Variants in MAGI3 observed in about 807,000 individuals in gnomAD.
MAGI3 encodes the protein membrane-associated guanylate kinase, WW and PDZ domain-containing protein 3.
A neutral mutation model predicts 121.8 loss-of-function variants in MAGI3; 43 were observed. The observed-to-expected ratio is 0.35, with a 90% CI of 0.28 to 0.46. The LOEUF is 0.46. MAGI3 is among the 20% of genes least tolerant of loss of function. MAGI3 has a pLI of 1.00. For synonymous variants in MAGI3, 553 were observed against 639.3 expected (o/e 0.86, Z 2.04); for missense variants, 1,547 against 1,797.3 (o/e 0.86, Z 2.52).
At chr1:113,667,364 T>C (rs1405447802) in intron 16 of MAGI3, among the ~76,000 whole-genome samples, 1 of 152,240 alleles carries the variant, frequency 6.6e-6, no homozygotes, top group South Asian at 2.1e-4. Context: ...CACTTGCTGC[T>C]TCACCTTGCA....
chr1:113,612,220 G>A (rs1427616030), intron 6 of MAGI3, among the ~76,000 whole-genome samples: 1 of 152,144 alleles, frequency 6.6e-6, no homozygotes, highest in East Asian at 1.9e-4. Flanking sequence ...GGAATTACAG[G>A]CGTGAGCCAA....
At chr1:113,491,154 A>G (rs1019128494) in intron 1 of MAGI3, among the ~76,000 whole-genome samples, 2 of 152,218 alleles carry the variant, frequency 1.3e-5, no homozygotes, top group Non-Finnish European at 2.9e-5. Context: ...GTAAATGCAA[A>G]AGAACTGAAA....
At chr1:113,399,899 A>C (rs748577827) in intron 1 of MAGI3, among the ~76,000 whole-genome samples, 1 of 152,140 alleles carries the variant, frequency 6.6e-6, no homozygotes, top group Non-Finnish European at 1.5e-5. Flanking sequence ...TTTGCTTTTA[A>C]AACAATGGTC....
chr1:113,577,476 G>A (rs1026765213), intron 2 of MAGI3, among the ~76,000 whole-genome samples: 1 of 151,774 alleles, frequency 6.6e-6, no homozygotes, highest in African/African-American at 2.4e-5. Flanking sequence ...GAGAAGTGGG[G>A]GTGAGGGGGG....
intron 1 of MAGI3, among the ~76,000 whole-genome samples, chr1:113,489,333 T>C (rs1190024602): frequency 1.3e-5 from 2 of 152,050 alleles, no homozygotes; most frequent in Non-Finnish European, 2.9e-5. Flanking sequence ...AATTCACCTA[T>C]ACCACAGTCA....
chr1:113,550,385 C>T (rs900479727), intron 2 of MAGI3, among the ~76,000 whole-genome samples: 3 of 150,986 alleles, frequency 2.0e-5, no homozygotes, highest in Non-Finnish European at 4.4e-5. Flanking sequence ...CACTGCAGTC[C>T]GGCCTGGGTG....
rs748059297 is a variant in MAGI3, at chr1:113,422,761, GGGGGA to G, written c.316+31415_316+31419del. ...CCCTATTGCCCTCAGTGTGGCGAGTGGGGGAGGCATGTTTCGGGGGGCATGTTTTG... is the reference window on the plus strand; with the variant it reads ...CCCTATTGCCCTCAGTGTGGCGAGTGGGCATGTTTCGGGGGGCATGTTTTG... On this transcript the variant is annotated intron_variant, in intron 1 of 20. Transcript: ENST00000307546. This position sits in a 1 kb window ranked among gnomAD's most constrained non-coding sequence, Gnocchi z 4.3. Among the ~76,000 whole-genome samples the G allele has an allele frequency of 2.6e-5, 4 of 152,224 alleles. No individual in the cohort carries two copies. The highest frequency in any genetic ancestry group is 5.9e-5 in the Non-Finnish European group (4 of 68,030).
At chr1:113,423,665 T>C (rs999954585) in intron 1 of MAGI3, among the ~76,000 whole-genome samples, 5 of 152,136 alleles carry the variant, frequency 3.3e-5, no homozygotes, top group African/African-American at 7.2e-5. Context: ...CACCATCCCA[T>C]TGGCCAAAAG....
intron 2 of MAGI3, among the ~76,000 whole-genome samples, chr1:113,567,725 C>T (rs1166057434): frequency 6.6e-6 from 1 of 151,920 alleles, no homozygotes; most frequent in Non-Finnish European, 1.5e-5. Context: ...TAGAAGGAAA[C>T]TACCTCAACA....
chr1:113,451,046 C>T (rs369228309), intron 1 of MAGI3, among the ~76,000 whole-genome samples: 15 of 152,272 alleles, frequency 9.9e-5, no homozygotes, highest in South Asian at 4.1e-4. Flanking sequence ...CTTTTCATTA[C>T]ATCAAGTATA....
chr1:113,569,296 A>G (rs1332607039), intron 2 of MAGI3, among the ~76,000 whole-genome samples: 1 of 152,078 alleles, frequency 6.6e-6, no homozygotes, highest in African/African-American at 2.4e-5. Context: ...AAAAATCTTT[A>G]TTGCACTATT....
chr1:113,680,490 G>A (rs1648146639), intron 19 of MAGI3, among the ~76,000 whole-genome samples: 2 of 152,164 alleles, frequency 1.3e-5, no homozygotes, highest in Admixed American at 6.5e-5. Context: ...GGGCGCGGTG[G>A]CTCACGCCTG....
At chr1:113,480,420 A>G (rs901470484) in intron 1 of MAGI3, among the ~76,000 whole-genome samples, 1 of 152,034 alleles carries the variant, frequency 6.6e-6, no homozygotes, top group African/African-American at 2.4e-5. Flanking sequence ...GGGGCAGGCC[A>G]GGAGCCTGGG....
chr1:113,614,065 G>A (rs1368557317), intron 6 of MAGI3, among the ~76,000 whole-genome samples: 7 of 152,136 alleles, frequency 4.6e-5, no homozygotes, highest in East Asian at 3.8e-4. Context: ...TTAGATTAGT[G>A]TTCCTTCAGA....
At position 113,442,232 on chromosome 1, in the gene MAGI3, G is replaced by GAGAT; in HGVS notation, c.316+50888_316+50891dup. 1.3e-5 allele frequency among the ~76,000 whole-genome samples: 2 copies of GAGAT among 152,198 alleles called. 1 individual carries two copies. Among genetic ancestry groups the GAGAT allele is most frequent in the Middle Eastern group, 6.8e-3 (2 of 294 alleles). On this transcript the variant is annotated intron_variant, in intron 1 of 20. Transcript: ENST00000307546. ...TGTGACAACTTTTAGAAACTGTTTT[G>GAGAT]AGATAGATGAAGAAAAGGCAGAAGA...
At chr1:113,457,534 G>A (rs1654818314) in intron 1 of MAGI3, among the ~76,000 whole-genome samples, 1 of 151,896 alleles carries the variant, frequency 6.6e-6, no homozygotes, top group African/African-American at 2.4e-5. Flanking sequence ...CCTCAGCAAG[G>A]ACTATATGGT....
chr1:113,651,159 G>A lies in MAGI3; in HGVS notation c.2393G>A (p.Arg798Gln), dbSNP rs773507498. The A allele has an allele frequency of 4.1e-5, 66 of 1,613,768 alleles. No individual in the cohort carries two copies. Among genetic ancestry groups the A allele is most frequent in the Admixed American group, 2.8e-4 (17 of 59,920 alleles). The change falls in exon 14 of 21, where the codon CGA becomes CAA. Residue 798 changes from arginine to glutamine, a missense_variant. Coordinates refer to ENST00000307546, the MANE Select transcript of MAGI3 (RefSeq NM_001142782.2). ...QVLDLMTTAARNGHVLLTVRR... is the reference protein window; with the variant it reads ...QVLDLMTTAAQNGHVLLTVRR... ...TTGGACCTCATGACAACTGCTGCTC[G>A]AAATGGCCATGTGTTACTAACTGTC...
chr1:113,454,108 G>A (rs1181947560), intron 1 of MAGI3, among the ~76,000 whole-genome samples: 1 of 152,142 alleles, frequency 6.6e-6, no homozygotes, highest in Non-Finnish European at 1.5e-5. Context: ...CACTAAATGA[G>A]TAAGAACAGG....
chr1:113,425,585 A>G (rs1652966403), intron 1 of MAGI3, among the ~76,000 whole-genome samples: 1 of 152,090 alleles, frequency 6.6e-6, no homozygotes, highest in Non-Finnish European at 1.5e-5. Flanking sequence ...CACCCAGCCT[A>G]CAAATTCAAT....
Sources: allele counts gnomAD v4.1 joint callset (sites outside exome capture counted in the v4.1 genomes callset), GRCh38; gene constraint gnomAD v4.1.1; non-coding constraint Gnocchi (gnomAD v3.1); transcripts MANE v1.5; gene names NCBI Gene and HGNC (gene_info 2026-07-23, HGNC 2026-07-21).